The following SPRYD7 variants were observed in gnomAD, a reference collection of about 807,000 sequenced individuals.
SPRYD7 encodes SPRY domain-containing protein 7.
A neutral mutation model predicts 23.8 loss-of-function variants in SPRYD7; 14 were observed. The ratio of observed to expected loss-of-function variants is 0.59; its 90% CI spans 0.39 to 0.92. SPRYD7 has a LOEUF of 0.92. Among genes scored for constraint, SPRYD7 ranks in the 40% least tolerant of loss-of-function variants. SPRYD7 has a pLI of 0.00. For synonymous variants in SPRYD7, 75 were observed against 84.9 expected, an observed-to-expected ratio of 0.88 and a Z score of 0.64; for missense variants, 194 against 241.7, an observed-to-expected ratio of 0.80 and a Z score of 1.31.
chr13:49,917,338 C>T (rs1418153316), intron 4 of SPRYD7, among the ~76,000 whole-genome samples: 5 of 152,140 alleles, frequency 3.3e-5, no homozygotes, highest in Admixed American at 1.3e-4. Flanking sequence ...CTCCTGACCT[C>T]GTGATCCGCC....
intron 4 of SPRYD7, among the ~76,000 whole-genome samples, chr13:49,918,164 G>C (rs189719078): frequency 1.3e-5 from 2 of 152,088 alleles, no homozygotes; most frequent in African/African-American, 2.4e-5. Flanking sequence ...CCCGGCTCAA[G>C]AGATCCTCTC....
chr13:49,930,492 A>T (rs1295448988), intron 2 of SPRYD7, among the ~76,000 whole-genome samples: 1 of 152,054 alleles, frequency 6.6e-6, no homozygotes, highest in Non-Finnish European at 1.5e-5. Context: ...GAGGCAAGAG[A>T]ATTGCTTGAA....
chr13:49,915,807 G>A (rs902814617), intron 4 of SPRYD7, among the ~76,000 whole-genome samples: 1 of 152,122 alleles, frequency 6.6e-6, no homozygotes, highest in Non-Finnish European at 1.5e-5. Flanking sequence ...TCCATCAACT[G>A]GTGAAGGATA....
intron 1 of SPRYD7, 68 bp from the exon 2 acceptor site, chr13:49,931,202 C>T (rs907802690): frequency 5.4e-5 from 57 of 1,050,656 alleles, no homozygotes; most frequent in Middle Eastern, 2.7e-4. Context: ...TTTTTTGAGA[C>T]GGAGTCTTGC....
intron 3 of SPRYD7, among the ~76,000 whole-genome samples, chr13:49,922,178 ATAG>A (rs1399950552): frequency 2.0e-5 from 3 of 151,948 alleles, no homozygotes; most frequent in African/African-American, 4.8e-5. Flanking sequence ...AAAAACAAAA[ATAG>A]TAGCTCAAAT....
chr13:49,917,311 G>C (rs1955763760), intron 4 of SPRYD7, among the ~76,000 whole-genome samples: 1 of 152,148 alleles, frequency 6.6e-6, no homozygotes, highest in Non-Finnish European at 1.5e-5. Context: ...CACCCTGTTA[G>C]CCAGGATGGT....
intron 4 of SPRYD7, among the ~76,000 whole-genome samples, chr13:49,918,403 C>T (rs373080342): frequency 4.2e-5 from 6 of 143,092 alleles, no homozygotes; most frequent in South Asian, 2.2e-4. Context: ...TAAATTAGTT[C>T]TTTTTTTTTT....
At position 49,921,560 on chromosome 13, in the gene SPRYD7, G is replaced by A. The variant is rs201778343; in HGVS notation, c.411C>T (p.Val137=). ...GDVVGITYDH[V]ELNVYLNGKN... is the part of the protein sequence containing the mutation. ...TTCCATTCAAGTATACATTTAATTC[G>A]ACATGGTCATAAGTAATACCCTAGG... The change falls in exon 4 of 5, where the codon GTC becomes GTT. Residue 137 remains valine (V), a synonymous_variant. Coordinates refer to ENST00000361840, the MANE Select transcript of SPRYD7 (RefSeq NM_020456.4). 9 of 1,610,122 alleles carry A rather than the reference G, an allele frequency of 5.6e-6. No individual in the cohort carries two copies. The highest frequency in any genetic ancestry group is 2.5e-6 in the Non-Finnish European group (3 of 1,176,690).
At chr13:49,922,278 ATAAT>A (rs1320536229) in intron 3 of SPRYD7, among the ~76,000 whole-genome samples, 54 of 149,532 alleles carry the variant, frequency 3.6e-4, no homozygotes, top group South Asian at 2.1e-4. Flanking sequence ...TATTGTTAAA[ATAAT>A]TATTTTATAA....
At chr13:49,932,709 G>C (rs1871439070) in intron 1 of SPRYD7, among the ~76,000 whole-genome samples, 1 of 152,042 alleles carries the variant, frequency 6.6e-6, no homozygotes, top group South Asian at 2.1e-4. Flanking sequence ...AGTAACAAAA[G>C]GTTGAATTAA....
chr13:49,936,223 C>T lies in SPRYD7; in HGVS notation c.13G>A (p.Val5Met), dbSNP rs113872052. 1.5e-5 allele frequency: 24 copies of T among 1,603,986 alleles called. No individual in the cohort carries two copies. Among genetic ancestry groups the T allele is most frequent in the Non-Finnish European group, 1.9e-5 (22 of 1,177,432 alleles). The change falls in exon 1 of 5, where the codon GTG becomes ATG. Residue 5 changes from valine to methionine, a missense_variant. By Grantham distance (21) the Val-to-Met change is conservative. Transcript: ENST00000361840. Reference sequence around the variant, plus strand: ...CTGCAGCACCGCAGGCAGCACAACACCGAGGTGGCCATCGCGCAGGGACCA... The same window carrying T: ...CTGCAGCACCGCAGGCAGCACAACATCGAGGTGGCCATCGCGCAGGGACCA... MATS[V>M]LCCLRCCRDG...
At position 49,912,782 on chromosome 13, in the gene SPRYD7, C is replaced by T. The variant is rs930962601; in HGVS notation, c.*2281G>A. On this transcript the variant is annotated 3_prime_UTR_variant, in exon 5 of 5. Transcript: ENST00000361840. The stretch of plus-strand genomic sequence containing the variant: ...TACAAATTAAAATTATGATAGAAAG[C>T]CAGACAAAATGCATAATACATACAT... 1 of 152,088 alleles carries T rather than the reference C, an allele frequency of 6.6e-6. No homozygotes were observed. Among genetic ancestry groups the T allele is most frequent in the African/African-American group, 2.4e-5 (1 of 41,402 alleles). The allele number at this position is 152,088 out of a possible 1,614,324, so 9.4% of individuals were successfully genotyped here.
intron 2 of SPRYD7, among the ~76,000 whole-genome samples, chr13:49,929,695 C>G (rs9562940): frequency 0.084 from 12,736 of 151,906 alleles, 1,372 homozygotes; most frequent in East Asian, 0.53. Context: ...CGGGGTTTCA[C>G]TATGTTGACC....
chr13:49,924,253 C>T (rs1463145592), intron 3 of SPRYD7, among the ~76,000 whole-genome samples: 4 of 152,150 alleles, frequency 2.6e-5, no homozygotes, highest in African/African-American at 9.6e-5. Flanking sequence ...TCCCAAAGTG[C>T]TGGGATTACA....
At chr13:49,921,176 C>T (rs1955814912) in intron 4 of SPRYD7, among the ~76,000 whole-genome samples, 1 of 152,058 alleles carries the variant, frequency 6.6e-6, no homozygotes, top group Non-Finnish European at 1.5e-5. Context: ...TCATGCTGTT[C>T]TTGTAAAAGT....
intron 1 of SPRYD7, among the ~76,000 whole-genome samples, chr13:49,933,969 C>G (rs1268342583): frequency 6.6e-6 from 1 of 151,672 alleles, no homozygotes; most frequent in Non-Finnish European, 1.5e-5. Context: ...AGAGGAATTC[C>G]AAAGTGGTTT....
chr13:49,928,312 T>C (rs1319929850), intron 2 of SPRYD7, among the ~76,000 whole-genome samples: 2 of 152,126 alleles, frequency 1.3e-5, no homozygotes, highest in Non-Finnish European at 2.9e-5. Flanking sequence ...CATGGGAGCA[T>C]GTGCCTGTAA....
chr13:49,931,211 G>T, intron 1 of SPRYD7, 77 bp from the exon 2 acceptor site: 2 of 932,776 alleles, frequency 2.1e-6, no homozygotes, highest in Non-Finnish European at 1.6e-6. Context: ...ACGGAGTCTT[G>T]CTCTGTCACC....
intron 2 of SPRYD7, among the ~76,000 whole-genome samples, chr13:49,929,270 A>G (rs1295648762): frequency 6.6e-6 from 1 of 152,194 alleles, no homozygotes; most frequent in Non-Finnish European, 1.5e-5. Flanking sequence ...TAATCATGCC[A>G]CTGCACTCCA....
Sources: allele counts gnomAD v4.1 joint callset (sites outside exome capture counted in the v4.1 genomes callset), GRCh38; gene constraint gnomAD v4.1.1; transcripts MANE v1.5; gene names NCBI Gene and HGNC (gene_info 2026-07-23, HGNC 2026-07-21).